Variants in B3GALT6 observed in about 807,000 individuals in gnomAD.
B3GALT6 encodes beta-1,3-galactosyltransferase 6.
B3GALT6 carries 27 observed loss-of-function variants against 23.3 expected under a neutral mutation model. The ratio of observed to expected loss-of-function variants is 1.16; its 90% CI spans 0.85 to 1.60. The LOEUF (loss-of-function observed/expected upper bound fraction) is 1.60. B3GALT6 is among the 40% of genes most tolerant of loss of function. The pLI is 0.00. For missense variants in B3GALT6, 554 were observed against 471.1 expected (o/e 1.18, Z -1.63); for synonymous variants, 313 against 232.3 (o/e 1.35, Z -3.16).
Position 1,233,542 on chromosome 1 carries a change from T to A in B3GALT6, c.*274T>A, listed in dbSNP as rs1358396828. ...GCTGTCCCCGACCGGCTCACGGGGC[T>A]GGGCTCCGATCTTCCGTGTCTCTTA... On this transcript the variant is annotated 3_prime_UTR_variant, in exon 1 of 1. Coordinates refer to ENST00000379198, the MANE Select transcript of B3GALT6 (RefSeq NM_080605.4). The A allele has an allele frequency of 2.7e-6, 1 of 371,368 alleles. No homozygotes were observed. The highest frequency in any genetic ancestry group is 4.4e-5 in the East Asian group (1 of 22,592). The allele number at this position is 371,368 out of a possible 1,614,324, so 23.0% of individuals were successfully genotyped here.
chr1:1,232,913 ACG>A lies in B3GALT6; in HGVS notation c.639_640del (p.Leu214GlyfsTer228). The stretch of plus-strand genomic sequence containing the variant: ...CAACTCTGCGACTACTACCTGCCCT[ACG>A]CGCTGGGCGGCGGCTACGTGCTCTC... On this transcript the variant is annotated frameshift_variant, in exon 1 of 1. Coordinates refer to ENST00000379198, the MANE Select transcript of B3GALT6 (RefSeq NM_080605.4). LOFTEE classifies it high-confidence loss of function. 6.4e-7 allele frequency: 1 copy of A among 1,568,200 alleles called. No individual in the cohort carries two copies. Among genetic ancestry groups the A allele is most frequent in the Non-Finnish European group, 8.6e-7 (1 of 1,166,780 alleles).
In B3GALT6 at chr1:1,232,306, C is replaced by T; in HGVS notation, c.28C>T (p.Arg10Trp). The T allele has an allele frequency of 3.1e-6, 3 of 982,614 alleles. No homozygotes were observed. Among genetic ancestry groups the T allele is most frequent in the Non-Finnish European group, 3.6e-6 (3 of 829,488 alleles). 60.9% of individuals were successfully genotyped at this position (982,614 alleles called of 1,614,324 possible). A position where few individuals can be genotyped will look rare whatever the true frequency, so the allele number is the denominator to read the frequency against. The change falls in exon 1 of 1, where the codon CGG becomes TGG. Residue 10 changes from arginine (R) to tryptophan (W), a missense_variant. Physicochemically the swap from Arg to Trp is moderately radical, Grantham distance 101 (BLOSUM62 -3). Transcript: ENST00000379198. ...GAAGCTGCTGCGGCGGGCGTGGCGGCGGCGGGCGGCGCTAGGCCTGGGCAC... is the reference window on the plus strand; with the variant it reads ...GAAGCTGCTGCGGCGGGCGTGGCGGTGGCGGGCGGCGCTAGGCCTGGGCAC... MKLLRRAWR[R>W]RAALGLGTLA...
chr1:1,232,531 G>C lies in B3GALT6; in HGVS notation c.253G>C (p.Gly85Arg). The C allele has an allele frequency of 9.6e-6, 11 of 1,145,734 alleles. No individual in the cohort carries two copies. Among genetic ancestry groups the C allele is most frequent in the Non-Finnish European group, 1.2e-5 (11 of 933,474 alleles). 71.0% of individuals were successfully genotyped at this position (1,145,734 alleles called of 1,614,324 possible). Residue 85 changes from glycine to arginine, a missense_variant, in exon 1 of 1, where the codon GGG becomes CGG. By Grantham distance (125) the Gly-to-Arg change is moderately radical (BLOSUM62 -2). Transcript: ENST00000379198. ...CCGCAGCACGTGGCTTGCGCGGCGC[G>C]GGGCCCCGGGCGACGTGTGGGCGCG... ...VIRSTWLARR[G>R]APGDVWARFA...
Position 1,232,595 on chromosome 1 carries a change from G to T in B3GALT6, c.317G>T (p.Arg106Leu), listed in dbSNP as rs1378215488. The T allele has an allele frequency of 2.5e-6, 3 of 1,203,864 alleles. No individual in the cohort carries two copies. Among genetic ancestry groups the T allele is most frequent in the Middle Eastern group, 2.8e-4 (1 of 3,532 alleles). 74.6% of individuals were successfully genotyped at this position (1,203,864 alleles called of 1,614,324 possible). Residue 106 changes from arginine to leucine, a missense_variant, in exon 1 of 1, where the codon CGG becomes CTG. Transcript: ENST00000379198. ...ACGGCCGGCCTGGGCGCCGAGGAGC[G>T]GCGCGCCCTGGAGCGGGAGCAGGCG... ...VGTAGLGAEE[R>L]RALEREQARH... is the part of the protein sequence containing the mutation.
In B3GALT6 at chr1:1,232,718, T is replaced by C; in HGVS notation, c.440T>C (p.Val147Ala). Residue 147 changes from valine to alanine, a missense_variant, in exon 1 of 1, where the codon GTG becomes GCG. Transcript: ENST00000379198. ...LAMLAWLDEHVAFEFVLKADD... is the reference protein window; with the variant it reads ...LAMLAWLDEHAAFEFVLKADD... ...ATGCTGGCCTGGCTGGACGAGCACG[T>C]GGCCTTCGAGTTCGTGCTCAAGGCG... The C allele has an allele frequency of 7.0e-7, 1 of 1,430,298 alleles. No individual in the cohort carries two copies. Among genetic ancestry groups the C allele is most frequent in the Non-Finnish European group, 9.2e-7 (1 of 1,092,158 alleles). The allele number at this position is 1,430,298 out of a possible 1,614,324, so 88.6% of individuals were successfully genotyped here.
chr1:1,232,773 G>A lies in B3GALT6; in HGVS notation c.495G>A (p.Ala165=), dbSNP rs1333788078. 2 of 1,390,752 alleles carry A rather than the reference G, an allele frequency of 1.4e-6. No homozygotes were observed. Among genetic ancestry groups the A allele is most frequent in the African/African-American group, 1.5e-5 (1 of 65,930 alleles). 86.2% of individuals were successfully genotyped at this position (1,390,752 alleles called of 1,614,324 possible). The stretch of plus-strand genomic sequence containing the variant: ...ACGACTCCTTCGCGCGGCTGGACGC[G>A]CTGCTGGCCGAGCTGCGCGCCCGCG... ...ADDDSFARLD[A]LLAELRAREP... is the part of the protein sequence containing the mutation. The change falls in exon 1 of 1, where the codon GCG becomes GCA. Residue 165 remains alanine, a synonymous_variant. Transcript: ENST00000379198.
Position 1,233,060 on chromosome 1 carries a change from G to T in B3GALT6, c.782G>T (p.Arg261Leu), listed in dbSNP as rs748201974. The change falls in exon 1 of 1, where the codon CGC becomes CTC. Residue 261 changes from arginine (R) to leucine (L), a missense_variant. Transcript: ENST00000379198. Reference sequence around the variant, plus strand: ...GACGTCCAGCGGGAGCACGACCCGCGCTTCGACACCGAATACCGGTCCCGC... The same window carrying T: ...GACGTCCAGCGGGAGCACGACCCGCTCTTCGACACCGAATACCGGTCCCGC... Reference protein sequence around the residue: ...PVDVQREHDPRFDTEYRSRGC... With the variant: ...PVDVQREHDPLFDTEYRSRGC... 2 of 1,549,870 alleles carry T rather than the reference G, an allele frequency of 1.3e-6. No individual in the cohort carries two copies. Among genetic ancestry groups the T allele is most frequent in the Non-Finnish European group, 1.7e-6 (2 of 1,152,032 alleles).
Position 1,233,118 on chromosome 1 carries a change from G to A in B3GALT6, c.840G>A (p.Lys280=). The change falls in exon 1 of 1, where the codon AAG becomes AAA. Residue 280 remains lysine (K), a synonymous_variant. Coordinates refer to ENST00000379198, the MANE Select transcript of B3GALT6 (RefSeq NM_080605.4). The part of the protein sequence containing the change: ...GCSNQYLVTH[K]QSLEDMLEKH... ...GCAACCAGTACCTGGTGACGCACAA[G>A]CAGAGCCTGGAGGACATGCTGGAGA... The A allele has an allele frequency of 5.1e-6, 8 of 1,562,950 alleles. No homozygotes were observed. The highest frequency in any genetic ancestry group is 1.8e-5 in the Admixed American group (1 of 54,106).
Position 1,233,549 on chromosome 1 carries a change from C to G in B3GALT6, c.*281C>G, listed in dbSNP as rs1021668248. On this transcript the variant is annotated 3_prime_UTR_variant, in exon 1 of 1. Transcript: ENST00000379198. ...CCGACCGGCTCACGGGGCTGGGCTC[C>G]GATCTTCCGTGTCTCTTATCAGTGG... 1.3e-4 allele frequency: 49 copies of G among 363,232 alleles called. No homozygotes were observed. Among genetic ancestry groups the G allele is most frequent in the Admixed American group, 2.9e-4 (6 of 20,726 alleles). 22.5% of individuals were successfully genotyped at this position (363,232 alleles called of 1,614,324 possible). A position where few individuals can be genotyped will look rare whatever the true frequency, so the allele number is the denominator to read the frequency against.
rs1174370874 is a variant in B3GALT6 at position 1,232,506 on chromosome 1, C to G, written c.228C>G (p.Ile76Met). The change falls in exon 1 of 1, where the codon ATC becomes ATG. Residue 76 changes from isoleucine (I) to methionine (M), a missense_variant. Transcript: ENST00000379198. ...APRAAERRSV[I>M]RSTWLARRGA... The stretch of plus-strand genomic sequence containing the variant: ...GCGCCGCCGAGCGCCGCAGCGTGAT[C>G]CGCAGCACGTGGCTTGCGCGGCGCG... 4.5e-6 allele frequency: 5 copies of G among 1,104,302 alleles called. No homozygotes were observed. Among genetic ancestry groups the G allele is most frequent in the Non-Finnish European group, 5.5e-6 (5 of 907,836 alleles). The allele number at this position is 1,104,302 out of a possible 1,614,324, so 68.4% of individuals were successfully genotyped here.
chr1:1,232,780 G>T lies in B3GALT6; in HGVS notation c.502G>T (p.Ala168Ser). The T allele has an allele frequency of 7.2e-7, 1 of 1,381,500 alleles. No homozygotes were observed. Among genetic ancestry groups the T allele is most frequent in the Non-Finnish European group, 9.3e-7 (1 of 1,071,324 alleles). The allele number at this position is 1,381,500 out of a possible 1,614,324, so 85.6% of individuals were successfully genotyped here. Residue 168 changes from alanine to serine, a missense_variant, in exon 1 of 1, where the codon GCC (alanine) becomes TCC (serine). Physicochemically the swap from Ala to Ser is moderately conservative, Grantham distance 99. Transcript: ENST00000379198. ...CTTCGCGCGGCTGGACGCGCTGCTGGCCGAGCTGCGCGCCCGCGAGCCCGC... is the reference window on the plus strand; with the variant it reads ...CTTCGCGCGGCTGGACGCGCTGCTGTCCGAGCTGCGCGCCCGCGAGCCCGC... The part of the protein sequence containing the change: ...DSFARLDALL[A>S]ELRAREPARR...
At position 1,233,949 on chromosome 1, in the gene B3GALT6, G is replaced by C. The variant is rs1285708000; in HGVS notation, c.*681G>C. 1 of 166,782 alleles carries C rather than the reference G, an allele frequency of 6.0e-6. No individual in the cohort carries two copies. 10.3% of individuals were successfully genotyped at this position (166,782 alleles called of 1,614,324 possible). ...GCTTCCCATGGGTCCGCGCCACACA[G>C]GGCCGGTGCTGCTTTATTTCAGACT... On this transcript the variant is annotated 3_prime_UTR_variant, in exon 1 of 1. Coordinates refer to ENST00000379198, the MANE Select transcript of B3GALT6 (RefSeq NM_080605.4).
Position 1,233,356 on chromosome 1 carries a change from C to G in B3GALT6, c.*88C>G, listed in dbSNP as rs1351494824. 7.4e-7 allele frequency: 1 copy of G among 1,354,424 alleles called. No individual in the cohort carries two copies. Among genetic ancestry groups the G allele is most frequent in the Non-Finnish European group, 9.5e-7 (1 of 1,052,388 alleles). 83.9% of individuals were successfully genotyped at this position (1,354,424 alleles called of 1,614,324 possible). ...GAGCGGGCGCACTACGCCCGGGCCCCAAGGCCCCCGTCCCGCAGCCACGCT... is the reference window on the plus strand; with the variant it reads ...GAGCGGGCGCACTACGCCCGGGCCCGAAGGCCCCCGTCCCGCAGCCACGCT... On this transcript the variant is annotated 3_prime_UTR_variant, in exon 1 of 1. Coordinates refer to ENST00000379198, the MANE Select transcript of B3GALT6 (RefSeq NM_080605.4).
In B3GALT6 at chr1:1,233,308, G is replaced by C; in HGVS notation, c.*40G>C. 1.4e-6 allele frequency: 2 copies of C among 1,402,766 alleles called. No individual in the cohort carries two copies. Among genetic ancestry groups the C allele is most frequent in the Non-Finnish European group, 1.8e-6 (2 of 1,086,028 alleles). 86.9% of individuals were successfully genotyped at this position (1,402,766 alleles called of 1,614,324 possible). A position where few individuals can be genotyped will look rare whatever the true frequency, so the allele number is the denominator to read the frequency against. On this transcript the variant is annotated 3_prime_UTR_variant, in exon 1 of 1. Transcript: ENST00000379198. ...GCCCTCCGGGACACCTGCTTCACCC[G>C]GCGGCGCCTTGGGGCAGGTGCCGAG...
Position 1,232,488 on chromosome 1 carries a change from C to G in B3GALT6, c.210C>G (p.Ala70=), listed in dbSNP as rs1179179554. Residue 70 remains alanine (A), a synonymous_variant, in exon 1 of 1, where the codon GCC becomes GCG. Coordinates refer to ENST00000379198, the MANE Select transcript of B3GALT6 (RefSeq NM_080605.4). ...TGGTGGCCAGCGCGCCCCGCGCCGC[C>G]GAGCGCCGCAGCGTGATCCGCAGCA... ...AVLVASAPRA[A]ERRSVIRSTW... The G allele has an allele frequency of 9.5e-6, 10 of 1,048,106 alleles. No homozygotes were observed. The highest frequency in any genetic ancestry group is 1.1e-5 in the Non-Finnish European group (10 of 872,858). 64.9% of individuals were successfully genotyped at this position (1,048,106 alleles called of 1,614,324 possible).
rs1638561815 is a variant in B3GALT6, at chr1:1,232,936, C to G, written c.658C>G (p.Leu220Val). 1.3e-6 allele frequency: 2 copies of G among 1,564,878 alleles called. No individual in the cohort carries two copies. The highest frequency in any genetic ancestry group is 1.4e-5 in the African/African-American group (1 of 73,694). ...LPYALGGGYV[L>V]SADLVHYLRL... is the part of the protein sequence containing the mutation. ...CTACGCGCTGGGCGGCGGCTACGTG[C>G]TCTCGGCCGACCTGGTGCACTACCT... The change falls in exon 1 of 1, where the codon CTC becomes GTC. Residue 220 changes from leucine to valine, a missense_variant. Coordinates refer to ENST00000379198, the MANE Select transcript of B3GALT6 (RefSeq NM_080605.4).
chr1:1,233,299 G>C lies in B3GALT6; in HGVS notation c.*31G>C. ...CGCGGCCCGGCCCTCCGGGACACCT[G>C]CTTCACCCGGCGGCGCCTTGGGGCA... On this transcript the variant is annotated 3_prime_UTR_variant, in exon 1 of 1. Transcript: ENST00000379198. The C allele has an allele frequency of 7.1e-7, 1 of 1,408,012 alleles. No homozygotes were observed. Among genetic ancestry groups the C allele is most frequent in the Non-Finnish European group, 9.2e-7 (1 of 1,088,162 alleles). 87.2% of individuals were successfully genotyped at this position (1,408,012 alleles called of 1,614,324 possible). A position where few individuals can be genotyped will look rare whatever the true frequency, so the allele number is the denominator to read the frequency against.
rs1638616748 is a variant in B3GALT6 at position 1,234,614 on chromosome 1, G to C, written c.*1346G>C. The C allele has an allele frequency of 6.0e-6, 1 of 166,912 alleles. No individual in the cohort carries two copies. The highest frequency in any genetic ancestry group is 2.1e-4 in the South Asian group (1 of 4,836). The allele number at this position is 166,912 out of a possible 1,614,324, so 10.3% of individuals were successfully genotyped here. A position where few individuals can be genotyped will look rare whatever the true frequency, so the allele number is the denominator to read the frequency against. Reference sequence around the variant, plus strand: ...GGACGAGGACTCGTGAGGATCGAGGGCTGGGGACCCCGGTGTGAGCAGGAT... The same window carrying C: ...GGACGAGGACTCGTGAGGATCGAGGCCTGGGGACCCCGGTGTGAGCAGGAT... On this transcript the variant is annotated 3_prime_UTR_variant, in exon 1 of 1. Coordinates refer to ENST00000379198, the MANE Select transcript of B3GALT6 (RefSeq NM_080605.4).
At position 1,233,223 on chromosome 1, in the gene B3GALT6, C is replaced by G. The variant is rs931648533; in HGVS notation, c.945C>G (p.Ser315=). Residue 315 remains serine, a synonymous_variant, in exon 1 of 1, where the codon TCC becomes TCG. Transcript: ENST00000379198. ...GCCTGTCCTACGTGTACGACTGGTC[C>G]GCGCCGCCCTCGCAGTGCTGCCAGA... ...QLRLSYVYDW[S]APPSQCCQRR... The G allele has an allele frequency of 6.6e-7, 1 of 1,513,084 alleles. No individual in the cohort carries two copies. The highest frequency in any genetic ancestry group is 8.8e-7 in the Non-Finnish European group (1 of 1,132,104). 93.7% of individuals were successfully genotyped at this position (1,513,084 alleles called of 1,614,324 possible).
Sources: gnomAD v4.1 joint callset for allele counts on GRCh38, gnomAD v4.1.1 for gene constraint, MANE v1.5 for transcripts, NCBI Gene and HGNC (gene_info 2026-07-23, HGNC 2026-07-21) for gene names.